Variants in ADGB observed in about 807,000 individuals in gnomAD.
The protein encoded by ADGB is androglobin.
Under a neutral mutation model 210.5 loss-of-function variants are expected in ADGB, and 172 were observed. The ratio of observed to expected loss-of-function variants is 0.82; its 90% CI spans 0.72 to 0.93. ADGB has a LOEUF of 0.93. Ranked by LOEUF, ADGB falls within the 40% of genes least tolerant of loss-of-function variation. The pLI is 0.00. For synonymous variants in ADGB, 658 were observed against 662.7 expected, an observed-to-expected ratio of 0.99 and a Z score of 0.11; for missense variants, 2,025 against 1,964.8, an observed-to-expected ratio of 1.03 and a Z score of -0.58.
chr6:146,697,636 A>C (rs1776425286), intron 12 of ADGB, among the ~76,000 whole-genome samples: 1 of 152,162 alleles, frequency 6.6e-6, no homozygotes, highest in Admixed American at 6.5e-5. Context: ...GGGAAAAAAA[A>C]GTACAGTTAA....
At chr6:146,806,284 G>A (rs1045598115) in intron 35 of ADGB, among the ~76,000 whole-genome samples, 3 of 152,158 alleles carry the variant, frequency 2.0e-5, no homozygotes, top group Non-Finnish European at 2.9e-5. Flanking sequence ...CATTTTAAGA[G>A]AAACATGATC....
rs1353643782 is a variant in ADGB at position 146,785,607 on chromosome 6, T to C, written c.4213-3T>C. 3.9e-6 allele frequency: 6 copies of C among 1,549,136 alleles called. No homozygotes were observed. In the Admixed American group the frequency reaches 5.9e-5, roughly 15 times the overall value. On this transcript the variant is annotated splice_region_variant and splice_polypyrimidine_tract_variant and intron_variant, in intron 31 of 35. Coordinates refer to ENST00000397944, the MANE Select transcript of ADGB (RefSeq NM_024694.4). ...TAAAAAGCTGCTCATGTTTGTTTTTTAGGCTTCTCAGGCTCGTTTGCATTA... is the reference window on the plus strand; with the variant it reads ...TAAAAAGCTGCTCATGTTTGTTTTTCAGGCTTCTCAGGCTCGTTTGCATTA...
intron 13 of ADGB, among the ~76,000 whole-genome samples, chr6:146,713,638 G>T (rs1409337726): frequency 1.3e-5 from 2 of 151,918 alleles, no homozygotes; most frequent in Non-Finnish European, 2.9e-5. Flanking sequence ...ATATATTCTT[G>T]TATTTTCCCT....
At chr6:146,780,197 TC>T (rs1343411473) in intron 29 of ADGB, among the ~76,000 whole-genome samples, 1 of 151,594 alleles carries the variant, frequency 6.6e-6, no homozygotes, top group Non-Finnish European at 1.5e-5. Context: ...TTAATTATAA[TC>T]CCCAAGCAAC....
At chr6:146,790,983 G>A (rs1777946830) in intron 33 of ADGB, among the ~76,000 whole-genome samples, 2 of 152,200 alleles carry the variant, frequency 1.3e-5, no homozygotes, top group East Asian at 3.9e-4. Flanking sequence ...GGTCATTTGT[G>A]TCTCTTCTTT....
intron 29 of ADGB, among the ~76,000 whole-genome samples, chr6:146,781,468 G>T (rs1252867060): frequency 6.9e-6 from 1 of 145,552 alleles, no homozygotes; most frequent in East Asian, 2.2e-4. Flanking sequence ...TCTTAGAAAT[G>T]AATTAAAAAA....
intron 28 of ADGB, among the ~76,000 whole-genome samples, chr6:146,766,114 C>T (rs1777569718): frequency 6.6e-6 from 1 of 151,986 alleles, no homozygotes; most frequent in South Asian, 2.1e-4. Flanking sequence ...AAATTTAAAA[C>T]CTACAGGGTG....
chr6:146,715,045 T>C (rs1776713563), intron 13 of ADGB, among the ~76,000 whole-genome samples: 1 of 152,214 alleles, frequency 6.6e-6, no homozygotes. Flanking sequence ...TTAAGTTATC[T>C]ATATTAATAG....
At chr6:146,614,215 T>G in intron 1 of ADGB, among the ~76,000 whole-genome samples, 1 of 34,874 alleles carries the variant, frequency 2.9e-5, no homozygotes, top group East Asian at 7.2e-4. Context: ...CTCCCTTCCT[T>G]CCTCCCTTCC....
Position 146,734,034 on chromosome 6 carries a change from T to G in ADGB, c.2794+4T>G, listed in dbSNP as rs1384265528. On this transcript the variant is annotated splice_donor_region_variant and intron_variant, in intron 22 of 35. Transcript: ENST00000397944. Reference sequence around the variant, plus strand: ...CTTATGAAAGCCAGAATACCAGGTATGATTGTCCAAACATTTATAAAATGA... The same window carrying G: ...CTTATGAAAGCCAGAATACCAGGTAGGATTGTCCAAACATTTATAAAATGA... The G allele has an allele frequency of 6.5e-7, 1 of 1,549,560 alleles. No homozygotes were observed. The highest frequency in any genetic ancestry group is 2.0e-5 in the Admixed American group (1 of 50,394).
At chr6:146,664,456 T>C in intron 6 of ADGB, 116 bp downstream of exon 6, 1 of 1,081,068 alleles carries the variant, frequency 9.3e-7, no homozygotes, top group Non-Finnish European at 1.3e-6. Flanking sequence ...CTTTTTCCCC[T>C]AAACAATGTA....
intron 13 of ADGB, among the ~76,000 whole-genome samples, chr6:146,707,951 T>C (rs1776599274): frequency 6.6e-6 from 1 of 152,092 alleles, no homozygotes; most frequent in African/African-American, 2.4e-5. Flanking sequence ...AATTAGGTTA[T>C]GTTTTTAGTG....
At chr6:146,610,685 T>C (rs886772201) in intron 1 of ADGB, among the ~76,000 whole-genome samples, 7 of 152,168 alleles carry the variant, frequency 4.6e-5, no homozygotes, top group African/African-American at 1.7e-4. Flanking sequence ...TTTTGTTCTC[T>C]GGTTCCTTGA....
chr6:146,616,201 T>C (rs1180895888), intron 1 of ADGB, among the ~76,000 whole-genome samples: 3 of 152,058 alleles, frequency 2.0e-5, no homozygotes, highest in Admixed American at 1.3e-4. Flanking sequence ...CTGTTGGCCA[T>C]TTGTATGTCT....
rs565839912 is a variant in ADGB at position 146,611,494 on chromosome 6, C to T, written c.74+12380C>T. On this transcript the variant is annotated intron_variant, in intron 1 of 35. Coordinates refer to ENST00000397944, the MANE Select transcript of ADGB (RefSeq NM_024694.4). ...TGCCAGCTCAAATGTCTTTGGGCATCGTGAGGTCTCCTGCAGCTGGGATTC... is the reference window on the plus strand; with the variant it reads ...TGCCAGCTCAAATGTCTTTGGGCATTGTGAGGTCTCCTGCAGCTGGGATTC... Among the ~76,000 whole-genome samples, 9 of 152,224 alleles carry T rather than the reference C, an allele frequency of 5.9e-5. No homozygotes were observed. In the South Asian group the frequency reaches 6.2e-4, roughly 11 times the overall value.
At chr6:146,669,276 C>G (rs1030154754) in intron 7 of ADGB, among the ~76,000 whole-genome samples, 1 of 152,030 alleles carries the variant, frequency 6.6e-6, no homozygotes, top group Non-Finnish European at 1.5e-5. Flanking sequence ...TTCAGGGAGT[C>G]GAGCAGATCA....
chr6:146,654,805 T>C (rs1480601437), intron 4 of ADGB, among the ~76,000 whole-genome samples: 1 of 152,172 alleles, frequency 6.6e-6, no homozygotes, highest in Non-Finnish European at 1.5e-5. Context: ...ATTGTGTGTG[T>C]GTATATGTGT....
intron 33 of ADGB, among the ~76,000 whole-genome samples, chr6:146,789,138 A>G (rs1340199372): frequency 6.6e-6 from 1 of 152,060 alleles, no homozygotes; most frequent in African/African-American, 2.4e-5. Flanking sequence ...GCCTTTCCAC[A>G]CTCCTGGTTT....
At chr6:146,752,481 G>A (rs746826168) in intron 26 of ADGB, 49 bp from the exon 27 acceptor site, 2 of 1,475,592 alleles carry the variant, frequency 1.4e-6, no homozygotes, top group Non-Finnish European at 1.8e-6. Context: ...ACTGACTTGA[G>A]AGAAAGACCA....
Sources: allele counts gnomAD v4.1 joint callset (sites outside exome capture counted in the v4.1 genomes callset), GRCh38; gene constraint gnomAD v4.1.1; transcripts MANE v1.5; gene names NCBI Gene and HGNC (gene_info 2026-07-23, HGNC 2026-07-21).